The following TOE1 variants were observed in gnomAD, a reference collection of about 807,000 sequenced individuals.
TOE1 encodes the protein target of EGR1 protein 1.
In TOE1, 50 loss-of-function variants were observed where a neutral mutation model predicts 49.2. That is an observed-to-expected ratio of 1.02 (90% CI 0.81 to 1.29). The LOEUF (loss-of-function observed/expected upper bound fraction) is 1.29, where lower values mean the gene tolerates loss of function less well. TOE1 is among the 50% of genes most tolerant of loss of function. The pLI, the probability that TOE1 is intolerant of heterozygous loss-of-function variation, is 0.00. For synonymous variants in TOE1, 221 were observed against 247.0 expected (o/e 0.89, Z 0.99); for missense variants, 544 against 654.4 (o/e 0.83, Z 1.84).
rs1647046626 is a variant in TOE1, at chr1:45,342,332, AG to A, written c.493-50del. ...GTCTGGGATAAGTGCCCAGCAGAAG[AG>A]GCTCCCTGGGGGACTCTGTCCTCCT... On this transcript the variant is annotated intron_variant, in intron 5 of 7. Transcript: ENST00000372090. 7 of 1,593,236 alleles carry A rather than the reference AG, an allele frequency of 4.4e-6. No homozygotes were observed. In the South Asian group the frequency reaches 7.9e-5, roughly 18 times the overall value.
At chr1:45,340,973 A>T in intron 1 of TOE1, 100 bp from the exon 2 acceptor site, 1 of 1,535,782 alleles carries the variant, frequency 6.5e-7, no homozygotes, top group Non-Finnish European at 8.9e-7. Context: ...CTACCAATGG[A>T]AACTACCCCC....
intron 3 of TOE1, 53 bp from the exon 4 acceptor site, chr1:45,341,420 G>A (rs1646963511): frequency 3.1e-6 from 5 of 1,613,806 alleles, no homozygotes; most frequent in Non-Finnish European, 4.2e-6. Context: ...GGTGGTTTGG[G>A]TCCTTCATAA....
chr1:45,343,582 A>G lies in TOE1; in HGVS notation c.1413A>G (p.Glu471=), dbSNP rs148326323. 33 of 1,614,044 alleles carry G rather than the reference A, an allele frequency of 2.0e-5. No homozygotes were observed. The Admixed American group carries it at 5.5e-4, about 27-fold the overall frequency. Residue 471 remains glutamate (E), a synonymous_variant, in exon 8 of 8, where the codon GAA becomes GAG. Transcript: ENST00000372090. The surrounding 1 kb of genome is among the most constrained non-coding windows in gnomAD (Gnocchi z 4.3). ...QPCSSGPWLP[E]CHNKVYLSGK... Reference sequence around the variant, plus strand: ...GCAGCTCTGGACCCTGGCTCCCTGAATGCCACAATAAGGTATATTTGAGTG... The same window carrying G: ...GCAGCTCTGGACCCTGGCTCCCTGAGTGCCACAATAAGGTATATTTGAGTG...
chr1:45,340,547 G>T, intron 1 of TOE1: 2 of 1,393,398 alleles, frequency 1.4e-6, no homozygotes, highest in South Asian at 1.5e-5. Context: ...ATAACGGTTA[G>T]TAGTAATAGT....
intron 4 of TOE1, 113 bp from the exon 5 acceptor site, chr1:45,341,836 C>G: frequency 1.7e-6 from 2 of 1,174,842 alleles, no homozygotes; most frequent in Non-Finnish European, 2.5e-6. Flanking sequence ...CCTCACCTGC[C>G]TCCATCCTTT....
At chr1:45,340,545 T>C in intron 1 of TOE1, 3 of 1,391,564 alleles carry the variant, frequency 2.2e-6, no homozygotes, top group Non-Finnish European at 2.8e-6. Flanking sequence ...TCATAACGGT[T>C]AGTAGTAATA....
In TOE1 at chr1:45,341,491, C is replaced by T. The variant is rs759850150; in HGVS notation, c.255C>T (p.Tyr85=). The T allele has an allele frequency of 7.1e-5, 115 of 1,614,000 alleles. No individual in the cohort carries two copies. Among genetic ancestry groups the T allele is most frequent in the Non-Finnish European group, 9.4e-5 (111 of 1,180,030 alleles). ...SLLNQCIEER[Y]KAVCHAARTR... ...CCCCAAGGTGCATTGAGGAACGTTA[C>T]AAGGCCGTGTGTCATGCTGCCAGGA... The change falls in exon 4 of 8, where the codon TAC becomes TAT. Residue 85 remains tyrosine, a synonymous_variant. Transcript: ENST00000372090.
rs747629227 is a variant in TOE1, at chr1:45,341,947, A to G, written c.334-2A>G. 9 of 1,613,614 alleles carry G rather than the reference A, an allele frequency of 5.6e-6. No homozygotes were observed. The South Asian group carries it at 9.9e-5, about 18-fold the overall frequency. On this transcript the variant is annotated splice_acceptor_variant, in intron 4 of 7. Coordinates refer to ENST00000372090, the MANE Select transcript of TOE1 (RefSeq NM_025077.4). LOFTEE classifies it high-confidence loss of function. Reference sequence around the variant, plus strand: ...GATATAGCAGACTTCTCTTTCTCCCAGGGTGAACATTCCTATCTGGCTCAA... The same window carrying G: ...GATATAGCAGACTTCTCTTTCTCCCGGGGTGAACATTCCTATCTGGCTCAA...
intron 1 of TOE1, 99 bp downstream of exon 1, chr1:45,340,403 A>T (rs536528557): frequency 1.3e-6 from 2 of 1,540,754 alleles, no homozygotes; most frequent in African/African-American, 1.4e-5. Context: ...GCTTCAGAGG[A>T]CTGCTCCTTC....
chr1:45,340,992 C>A (rs187128164), intron 1 of TOE1, 81 bp from the exon 2 acceptor site: 2 of 1,590,506 alleles, frequency 1.3e-6, no homozygotes, highest in East Asian at 4.5e-5. Flanking sequence ...CCCTTACCAC[C>A]ATCACCGTGG....
chr1:45,342,711 A>T, intron 6 of TOE1, 68 bp downstream of exon 6: 1 of 1,600,968 alleles, frequency 6.2e-7, no homozygotes, highest in African/African-American at 1.3e-5. Context: ...TAAGATATTT[A>T]TTGAGCTCCT....
rs1647098788 is a variant in TOE1, at chr1:45,343,901, T to C, written c.*199T>C. 1 of 482,838 alleles carries C rather than the reference T, an allele frequency of 2.1e-6. No individual in the cohort carries two copies. The highest frequency in any genetic ancestry group is 3.6e-6 in the Non-Finnish European group (1 of 279,778). 29.9% of individuals were successfully genotyped at this position (482,838 alleles called of 1,614,324 possible). On this transcript the variant is annotated 3_prime_UTR_variant, in exon 8 of 8. Coordinates refer to ENST00000372090, the MANE Select transcript of TOE1 (RefSeq NM_025077.4). This position sits in a 1 kb window ranked among gnomAD's most constrained non-coding sequence, Gnocchi z 4.3. Reference sequence around the variant, plus strand: ...TGACCAGCACCTGTAACACTGACTTTATTTTTAAGTCTGAAAATGTCTTGG... The same window carrying C: ...TGACCAGCACCTGTAACACTGACTTCATTTTTAAGTCTGAAAATGTCTTGG...
intron 4 of TOE1, 46 bp downstream of exon 4, chr1:45,341,615 A>G (rs752976892): frequency 5.2e-6 from 8 of 1,533,832 alleles, no homozygotes; most frequent in Non-Finnish European, 7.2e-6. Flanking sequence ...TGTGGGGTGG[A>G]GGGTAGAGAG....
In TOE1 at chr1:45,341,154, A is replaced by G; in HGVS notation, c.134A>G (p.Lys45Arg). Residue 45 changes from lysine to arginine, a missense_variant, in exon 2 of 8, where the codon AAG becomes AGG. Transcript: ENST00000372090. ...PVVDVQSNNF[K>R]EMWPSLLLAI... ...GTGGATGTGCAAAGCAACAACTTCA[A>G]GGAGATGTGGCCATCCCTCCTGCTA... The G allele has an allele frequency of 6.2e-7, 1 of 1,614,192 alleles. No homozygotes were observed. The highest frequency in any genetic ancestry group is 8.5e-7 in the Non-Finnish European group (1 of 1,180,032).
At position 45,342,502 on chromosome 1, in the gene TOE1, A is replaced by G. The variant is rs1647055494; in HGVS notation, c.611A>G (p.Tyr204Cys). The G allele has an allele frequency of 6.2e-7, 1 of 1,614,054 alleles. No homozygotes were observed. Among genetic ancestry groups the G allele is most frequent in the Non-Finnish European group, 8.5e-7 (1 of 1,179,988 alleles). ...IDLVFLYQNF[Y>C]AHLPESLGTF... ...TTGGTGTTCCTGTACCAGAACTTCT[A>G]TGCACACCTCCCTGAGAGTCTGGGA... Residue 204 changes from tyrosine to cysteine, a missense_variant, in exon 6 of 8, where the codon TAT becomes TGT. Physicochemically the swap from Tyr to Cys is radical, Grantham distance 194. Transcript: ENST00000372090.
Position 45,343,072 on chromosome 1 carries a change from C to T in TOE1, c.913-10C>T, listed in dbSNP as rs758152987. ...TGGAGCCTCTTTCTAAGCCTCTTTC[C>T]CACCCCTAGGCTTATGGCTGGTGCC... is the stretch of plus-strand genomic sequence containing the variant. On this transcript the variant is annotated splice_polypyrimidine_tract_variant and intron_variant, in intron 7 of 7. Transcript: ENST00000372090. The surrounding 1 kb of genome is among the most constrained non-coding windows in gnomAD (Gnocchi z 4.3). The T allele has an allele frequency of 6.2e-7, 1 of 1,613,180 alleles. No homozygotes were observed. The highest frequency in any genetic ancestry group is 1.3e-5 in the African/African-American group (1 of 74,814).
At position 45,342,981 on chromosome 1, in the gene TOE1, C is replaced by T; in HGVS notation, c.891C>T (p.Thr297=). 6.2e-7 allele frequency: 1 copy of T among 1,613,856 alleles called. No homozygotes were observed. The highest frequency in any genetic ancestry group is 8.5e-7 in the Non-Finnish European group (1 of 1,179,974). The stretch of plus-strand genomic sequence containing the variant: ...CAGCAACCCACCGTCCTCATCCCAC[C>T]AGCATCTGTGACAACTTCTCGGTGA... ...LPPATHRPHP[T]SICDNFSAYG... The change falls in exon 7 of 8, where the codon ACC becomes ACT. Residue 297 remains threonine, a synonymous_variant. Transcript: ENST00000372090.
Position 45,340,537 on chromosome 1 carries a change from A to C in TOE1, c.52+233A>C, listed in dbSNP as rs1173547616. ...TGGCGGGAGATGTAGTCTGGAGCTC[A>C]TAACGGTTAGTAGTAATAGTTGTGA... On this transcript the variant is annotated intron_variant, in intron 1 of 7. Coordinates refer to ENST00000372090, the MANE Select transcript of TOE1 (RefSeq NM_025077.4). The C allele has an allele frequency of 2.1e-6, 3 of 1,408,536 alleles. No individual in the cohort carries two copies. In the African/African-American group the frequency reaches 4.3e-5, roughly 20 times the overall value. 87.3% of individuals were successfully genotyped at this position (1,408,536 alleles called of 1,614,324 possible). A position where few individuals can be genotyped will look rare whatever the true frequency, so the allele number is the denominator to read the frequency against.
Position 45,343,440 on chromosome 1 carries a change from G to A in TOE1, c.1271G>A (p.Gly424Glu). Residue 424 changes from glycine (G) to glutamate (E), a missense_variant, in exon 8 of 8, where the codon GGG (glycine) becomes GAG (glutamate). Gly to Glu is a moderately conservative substitution (Grantham distance 98). Transcript: ENST00000372090. This position sits in a 1 kb window ranked among gnomAD's most constrained non-coding sequence, Gnocchi z 4.3. ...GATAGAGCTACCTCAGAAGTGCCAG[G>A]GAGCCAAGCCAGTCCTAACCCAGTG... is the stretch of plus-strand genomic sequence containing the variant. ...IADRATSEVP[G>E]SQASPNPVPG... 6.2e-7 allele frequency: 1 copy of A among 1,614,190 alleles called. No individual in the cohort carries two copies. The highest frequency in any genetic ancestry group is 8.5e-7 in the Non-Finnish European group (1 of 1,180,046).
Sources: gnomAD v4.1 joint callset for allele counts on GRCh38, gnomAD v4.1.1 for gene constraint, Gnocchi (gnomAD v3.1) non-coding constraint, MANE v1.5 for transcripts, NCBI Gene and HGNC (gene_info 2026-07-23, HGNC 2026-07-21) for gene names.